The following RSPH10B2 variants were observed in gnomAD, a reference collection of about 807,000 sequenced individuals.
RSPH10B2 encodes the protein radial spoke head 10 homolog B2 (Chlamydomonas).
A neutral mutation model predicts 49.0 loss-of-function variants in RSPH10B2; 9 were observed. The ratio of observed to expected loss-of-function variants is 0.18; its 90% CI spans 0.11 to 0.32. RSPH10B2 has a LOEUF of 0.32. RSPH10B2 is among the 10% of genes least tolerant of loss of function. RSPH10B2 has a pLI of 1.00. For synonymous variants in RSPH10B2, 35 were observed against 210.2 expected, an observed-to-expected ratio of 0.17 and a Z score of 7.21; for missense variants, 95 against 589.9, an observed-to-expected ratio of 0.16 and a Z score of 8.69.
At position 6,769,682 on chromosome 7, in the gene RSPH10B2, G is replaced by C. The variant is rs1294612477; in HGVS notation, c.957+916G>C. Reference sequence around the variant, plus strand: ...CAGCTCGCTGCAACCTCTGCCTCCCGGGCACAAGTGATTCTTGTGCCTCAG... The same window carrying C: ...CAGCTCGCTGCAACCTCTGCCTCCCCGGCACAAGTGATTCTTGTGCCTCAG... On this transcript the variant is annotated intron_variant, in intron 7 of 18. Transcript: ENST00000297186. Among the ~76,000 whole-genome samples the C allele has an allele frequency of 2.5e-5, 3 of 117,700 alleles. 1 individual carries two copies. The highest frequency in any genetic ancestry group is 5.4e-5 in the Non-Finnish European group (3 of 55,648). The allele number at this position is 117,700 out of a possible 152,430, so 77.2% of individuals were successfully genotyped here. A position where few individuals can be genotyped will look rare whatever the true frequency, so the allele number is the denominator to read the frequency against.
In RSPH10B2 at chr7:6,766,428, AT is replaced by A. The variant is rs1291055706; in HGVS notation, c.660-318del. On this transcript the variant is annotated intron_variant, in intron 5 of 18. Transcript: ENST00000297186. ...GCCACCATGTCCGGCTAATTTTTGC[AT>A]TTTTTTTTTTCTTTTGAGATGGAGT... 9.3e-3 allele frequency among the ~76,000 whole-genome samples: 531 copies of A among 57,302 alleles called. 97 individuals carry two copies. Among genetic ancestry groups the A allele is most frequent in the Non-Finnish European group, 0.012 (391 of 33,132 alleles). 37.6% of individuals were successfully genotyped at this position (57,302 alleles called of 152,430 possible).
At chr7:6,774,755 G>GTT (rs1359670506) in intron 9 of RSPH10B2, among the ~76,000 whole-genome samples, 5,753 of 121,142 alleles carry the variant, frequency 0.047, 18 homozygotes, top group African/African-American at 0.11. Context: ...CTTTTTTTTT[G>GTT]TTTTTTTTTT....
chr7:6,766,783 G>A (rs1781469650), exon 6 of RSPH10B2: 1 of 449,188 alleles, frequency 2.2e-6, no homozygotes, highest in Admixed American at 8.0e-5. Flanking sequence ...ATATACGAAG[G>A]CCAGTGGGAA....
At chr7:6,797,367 T>C (rs1408948272) in intron 18 of RSPH10B2, among the ~76,000 whole-genome samples, 3 of 150,798 alleles carry the variant, frequency 2.0e-5, no homozygotes, top group African/African-American at 7.3e-5. Context: ...GTAATGACTA[T>C]GTTGAGATGA....
chr7:6,756,106 A>C (rs1223985001), upstream of RSPH10B2, among the ~76,000 whole-genome samples: 1 of 149,750 alleles, frequency 6.7e-6, no homozygotes, highest in Admixed American at 6.6e-5. Context: ...GTCTCTACTA[A>C]AAATACAAAA....
chr7:6,781,622 C>G, intron 13 of RSPH10B2, 146 bp downstream of exon 15: 1 of 978,642 alleles, frequency 1.0e-6, no homozygotes, highest in Non-Finnish European at 1.4e-6. Flanking sequence ...TTTACTGAGT[C>G]TCTTGGCAGA....
chr7:6,795,590 C>T (rs1311603357), intron 17 of RSPH10B2, among the ~76,000 whole-genome samples: 7 of 120,236 alleles, frequency 5.8e-5, no homozygotes, highest in East Asian at 4.5e-4. Context: ...GGCAACATAG[C>T]GAAACCTTGT....
intron 17 of RSPH10B2, among the ~76,000 whole-genome samples, chr7:6,795,932 T>TA (rs201650381): frequency 0.02 from 2,765 of 139,364 alleles, 181 homozygotes; most frequent in South Asian, 0.055. Context: ...AGCTTGTCTT[T>TA]AAAAAAAAAA....
intron 16 of RSPH10B2, among the ~76,000 whole-genome samples, chr7:6,791,569 C>T (rs1487189123): frequency 1.4e-5 from 2 of 143,600 alleles, no homozygotes; most frequent in Non-Finnish European, 3.0e-5. Context: ...TATGGTGAAA[C>T]CCCATCTCTA....
chr7:6,793,350 C>T lies in RSPH10B2; in HGVS notation c.2233+1353C>T, dbSNP rs1218293196. On this transcript the variant is annotated intron_variant, in intron 17 of 18. Transcript: ENST00000297186. ...TACAGGTGTGAGCCACTGCGCCTGG[C>T]CCTCCCCCTTTTCTGACGGCGTCTC... Among the ~76,000 whole-genome samples the T allele has an allele frequency of 6.0e-5, 7 of 116,800 alleles. 1 individual carries two copies. Among genetic ancestry groups the T allele is most frequent in the African/African-American group, 1.4e-4 (4 of 29,324 alleles). The allele number at this position is 116,800 out of a possible 152,430, so 76.6% of individuals were successfully genotyped here.
upstream of RSPH10B2, among the ~76,000 whole-genome samples, chr7:6,756,125 C>T (rs1160998944): frequency 1.8e-4 from 26 of 148,264 alleles, no homozygotes; most frequent in African/African-American, 5.6e-4. Context: ...AAAGAATTAG[C>T]CAGGTGTGGT....
chr7:6,776,955 C>T (rs1324490453), intron 10 of RSPH10B2, among the ~76,000 whole-genome samples: 4 of 129,386 alleles, frequency 3.1e-5, no homozygotes, highest in Non-Finnish European at 6.6e-5. Context: ...ACCCCCAGGC[C>T]AGGGAGCAGT....
At chr7:6,781,391 A>T (rs773078952) in exon 13 of RSPH10B2, 1 of 1,295,610 alleles carries the variant, frequency 7.7e-7, no homozygotes, top group African/African-American at 1.8e-5. Context: ...AAGTGCTGGG[A>T]GATTTATCTC....
intron 14 of RSPH10B2, among the ~76,000 whole-genome samples, chr7:6,786,319 A>G (rs1367505380): frequency 9.5e-6 from 1 of 105,500 alleles, no homozygotes; most frequent in Non-Finnish European, 1.8e-5. Context: ...AGTAGCTGAG[A>G]CTACAGGCGC....
Position 6,781,824 on chromosome 7 carries a change from C to T in RSPH10B2, c.1758+348C>T, listed in dbSNP as rs529702591. On this transcript the variant is annotated intron_variant, in intron 13 of 18. Transcript: ENST00000297186. ...CTGAGGTCAAGGAGTTCAAGACCAG[C>T]ATGGACATATATATTTATATATGCC... Among the ~76,000 whole-genome samples, 3 of 108,810 alleles carry T rather than the reference C, an allele frequency of 2.8e-5. 1 individual carries two copies. Among genetic ancestry groups the T allele is most frequent in the Non-Finnish European group, 5.5e-5 (3 of 54,410 alleles). The allele number at this position is 108,810 out of a possible 152,430, so 71.4% of individuals were successfully genotyped here. A position where few individuals can be genotyped will look rare whatever the true frequency, so the allele number is the denominator to read the frequency against.
At chr7:6,768,359 G>A (rs1276891346) in intron 6 of RSPH10B2, among the ~76,000 whole-genome samples, 1 of 152,290 alleles carries the variant, frequency 6.6e-6, no homozygotes, top group African/African-American at 2.4e-5. Context: ...AGGGGTAGGT[G>A]TCATTTCTGT....
At chr7:6,795,777 C>T (rs114216016) in intron 17 of RSPH10B2, among the ~76,000 whole-genome samples, 4,248 of 146,354 alleles carry the variant, frequency 0.029, 298 homozygotes, top group African/African-American at 0.1. Context: ...ATACTTAAAA[C>T]AATTAGCCTC....
At chr7:6,766,939 A>T in intron 6 of RSPH10B2, 62 bp downstream of exon 8, 1 of 1,117,978 alleles carries the variant, frequency 8.9e-7, no homozygotes, top group African/African-American at 1.8e-5. Flanking sequence ...TTCTCAACAC[A>T]TGTATATTTC....
chr7:6,784,874 C>T (rs1196001560), intron 13 of RSPH10B2, among the ~76,000 whole-genome samples: 1 of 70,460 alleles, frequency 1.4e-5, no homozygotes, highest in Admixed American at 1.8e-4. Flanking sequence ...CCCCACATAA[C>T]GTTATTGATA....
Sources: allele counts gnomAD v4.1 joint callset (sites outside exome capture counted in the v4.1 genomes callset), GRCh38; gene constraint gnomAD v4.1.1; transcripts MANE v1.5; gene names NCBI Gene and HGNC (gene_info 2026-07-23, HGNC 2026-07-21).